The following NMBR variants were observed in gnomAD, a reference collection of about 807,000 sequenced individuals.
NMBR encodes the protein neuromedin B receptor.
In NMBR, 16 loss-of-function variants were observed where a neutral mutation model predicts 20.5. The ratio of observed to expected loss-of-function variants is 0.78; its 90% confidence interval spans 0.53 to 1.19. The LOEUF (loss-of-function observed/expected upper bound fraction) is 1.19, where lower values mean the gene tolerates loss of function less well. NMBR is among the 50% of genes most tolerant of loss of function. NMBR has a pLI of 0.00. For synonymous variants in NMBR, 212 were observed against 196.6 expected, an observed-to-expected ratio of 1.08 and a Z score of -0.65; for missense variants, 582 against 499.1, an observed-to-expected ratio of 1.17 and a Z score of -1.58.
chr6:142,090,360 A>G (rs1469326240), intron 1 of NMBR, among the ~76,000 whole-genome samples: 2 of 152,140 alleles, frequency 1.3e-5, no homozygotes, highest in Admixed American at 1.3e-4. Flanking sequence ...TTATAAATTA[A>G]GCAACTTTTC....
chr6:142,101,044 A>G (rs1777551943), intron 1 of NMBR, among the ~76,000 whole-genome samples: 1 of 152,232 alleles, frequency 6.6e-6, no homozygotes, highest in South Asian at 2.1e-4. Context: ...GTAGGCTCAA[A>G]GAGACTCCAG....
At position 142,088,617 on chromosome 6, in the gene NMBR, G is replaced by T. The variant is rs763148262; in HGVS notation, c.42C>A (p.Gly14=). The change falls in exon 2 of 4, where the codon GGC becomes GGA. Residue 14 remains glycine (G), a synonymous_variant. Transcript: ENST00000258042. ...CGGGAACGGAACCGCTCTCATTCGC[G>T]CCGGTGGTCACCGAGAGGTTGGAAA... The part of the protein sequence containing the change: ...KSLSNLSVTT[G]ANESGSVPEG... The T allele has an allele frequency of 1.9e-6, 3 of 1,608,154 alleles. No individual in the cohort carries two copies. Among genetic ancestry groups the T allele is most frequent in the East Asian group, 4.5e-5 (2 of 44,844 alleles).
At chr6:142,139,992 CTATT>C (rs1396910429) in intron 1 of NMBR, among the ~76,000 whole-genome samples, 7 of 152,114 alleles carry the variant, frequency 4.6e-5, no homozygotes, top group Non-Finnish European at 8.8e-5. Context: ...GCTTTTCCGA[CTATT>C]TATGTGAACA....
intron 1 of NMBR, among the ~76,000 whole-genome samples, chr6:142,097,333 G>A (rs1562238151): frequency 6.6e-6 from 1 of 152,032 alleles, no homozygotes; most frequent in Non-Finnish European, 1.5e-5. Context: ...TCCATGTTTA[G>A]TGCTTCCTTC....
Position 142,075,564 on chromosome 6 carries a change from T to C in NMBR, c.*84A>G. On this transcript the variant is annotated 3_prime_UTR_variant, in exon 4 of 4. Coordinates refer to ENST00000258042, the MANE Select transcript of NMBR (RefSeq NM_002511.4). ...TCATGCAATTGCCTAATAAATTAGCTAAGCAACAGCAAGTTCTGATCTGCC... is the reference window on the plus strand; with the variant it reads ...TCATGCAATTGCCTAATAAATTAGCCAAGCAACAGCAAGTTCTGATCTGCC... The C allele has an allele frequency of 7.5e-7, 1 of 1,339,858 alleles. No individual in the cohort carries two copies. The highest frequency in any genetic ancestry group is 1.0e-6 in the Non-Finnish European group (1 of 984,996). 83.0% of individuals were successfully genotyped at this position (1,339,858 alleles called of 1,614,324 possible). A position where few individuals can be genotyped will look rare whatever the true frequency, so the allele number is the denominator to read the frequency against.
chr6:142,095,740 C>A (rs893301169), intron 1 of NMBR, among the ~76,000 whole-genome samples: 2 of 152,094 alleles, frequency 1.3e-5, no homozygotes, highest in African/African-American at 4.8e-5. Context: ...TCAGTTCCTC[C>A]TTGTACCTCT....
At chr6:142,130,350 C>G (rs1278435850) in intron 1 of NMBR, among the ~76,000 whole-genome samples, 1 of 151,460 alleles carries the variant, frequency 6.6e-6, no homozygotes, top group Non-Finnish European at 1.5e-5. Flanking sequence ...ATAAAACTTT[C>G]TAATGTAAGA....
chr6:142,082,310 A>T (rs1465064344), intron 2 of NMBR, among the ~76,000 whole-genome samples: 1 of 152,210 alleles, frequency 6.6e-6, no homozygotes, highest in African/African-American at 2.4e-5. Flanking sequence ...TAGAGTCTAT[A>T]GGGTCTCAAT....
At chr6:142,135,477 C>T (rs986516590) in intron 1 of NMBR, among the ~76,000 whole-genome samples, 5 of 151,774 alleles carry the variant, frequency 3.3e-5, no homozygotes, top group Non-Finnish European at 7.4e-5. Context: ...AAATTTTATT[C>T]AATCGGTTTT....
In NMBR at chr6:142,075,098, A is replaced by G. The variant is rs1420303411; in HGVS notation, c.*550T>C. On this transcript the variant is annotated 3_prime_UTR_variant, in exon 4 of 4. Coordinates refer to ENST00000258042, the MANE Select transcript of NMBR (RefSeq NM_002511.4). ...TGTGTGTGTGTACATATATACATAT[A>G]CATATATATATACACACACACACAC... is the stretch of plus-strand genomic sequence containing the variant. 8.6e-6 allele frequency among the ~76,000 whole-genome samples: 1 copy of G among 116,014 alleles called. No homozygotes were observed. Among genetic ancestry groups the G allele is most frequent in the Non-Finnish European group, 1.7e-5 (1 of 57,802 alleles). The allele number at this position is 116,014 out of a possible 152,430, so 76.1% of individuals were successfully genotyped here.
chr6:142,075,957 A>ATTGTAATGTAATGTAAAAGAC lies in NMBR; in HGVS notation c.863_864insGTCTTTTACATTACATTACAA (p.Tyr288delinsTer). The ATTGTAATGTAATGTAAAAGAC allele has an allele frequency of 6.2e-7, 1 of 1,613,968 alleles. No homozygotes were observed. Among genetic ancestry groups the ATTGTAATGTAATGTAAAAGAC allele is most frequent in the Non-Finnish European group, 8.5e-7 (1 of 1,179,890 alleles). On this transcript the variant is annotated stop_gained, in exon 4 of 4. Transcript: ENST00000258042. LOFTEE classifies it high-confidence loss of function. Reference sequence around the variant, plus strand: ...CAATCTCATTATAGTTGAAAGACCGATACATGTAAAGGATGTGGTTTGGAA... The same window carrying ATTGTAATGTAATGTAAAAGAC: ...CAATCTCATTATAGTTGAAAGACCGATTGTAATGTAATGTAAAAGACTACATGTAAAGGATGTGGTTTGGAA...
At chr6:142,093,591 T>C (rs887572089) in intron 1 of NMBR, among the ~76,000 whole-genome samples, 3 of 152,128 alleles carry the variant, frequency 2.0e-5, no homozygotes, top group Non-Finnish European at 2.9e-5. Flanking sequence ...TTTGCCATTG[T>C]GAATAGTGCC....
At chr6:142,125,471 A>C (rs1778014421) in intron 1 of NMBR, among the ~76,000 whole-genome samples, 1 of 152,012 alleles carries the variant, frequency 6.6e-6, no homozygotes, top group Non-Finnish European at 1.5e-5. Flanking sequence ...ATGTGCATGC[A>C]TATACACATA....
intron 1 of NMBR, among the ~76,000 whole-genome samples, chr6:142,099,146 A>C (rs1777513191): frequency 6.6e-6 from 1 of 152,186 alleles, no homozygotes; most frequent in South Asian, 2.1e-4. Context: ...TACACCCTCC[A>C]CAAAAATTCA....
chr6:142,091,758 G>A (rs1335523429), intron 1 of NMBR, among the ~76,000 whole-genome samples: 1 of 152,026 alleles, frequency 6.6e-6, no homozygotes, highest in Admixed American at 6.6e-5. Flanking sequence ...AAGCAATTAT[G>A]TCAAAAAAAT....
At chr6:142,133,754 C>A (rs1393264901) in intron 1 of NMBR, 1 of 523,046 alleles carries the variant, frequency 1.9e-6, no homozygotes, top group African/African-American at 1.9e-5. Flanking sequence ...AACTTCTTGA[C>A]TCTTACATTT....
At chr6:142,122,225 C>T (rs2114598854) in intron 1 of NMBR, among the ~76,000 whole-genome samples, 1 of 152,072 alleles carries the variant, frequency 6.6e-6, no homozygotes, top group East Asian at 1.9e-4. Flanking sequence ...CCACAACATT[C>T]CCTTAAGCCA....
chr6:142,116,788 A>T (rs1777863102), intron 1 of NMBR, among the ~76,000 whole-genome samples: 1 of 152,016 alleles, frequency 6.6e-6, no homozygotes, highest in Non-Finnish European at 1.5e-5. Flanking sequence ...ATTGGTATAA[A>T]TCATCTTTCA....
chr6:142,138,843 ATTC>A (rs1261586758), intron 1 of NMBR, among the ~76,000 whole-genome samples: 1 of 152,146 alleles, frequency 6.6e-6, no homozygotes, highest in African/African-American at 2.4e-5. Context: ...TCTCATAAAT[ATTC>A]TTCAACTTAG....
Sources: gnomAD v4.1 joint callset for allele counts (sites outside exome capture counted in the v4.1 genomes callset) on GRCh38, gnomAD v4.1.1 for gene constraint, MANE v1.5 for transcripts, NCBI Gene and HGNC (gene_info 2026-07-23, HGNC 2026-07-21) for gene names.